CADM2: variants seen among roughly 807,000 people sequenced by gnomAD.
The protein encoded by CADM2 is immunoglobulin superfamily member 4D.
CADM2 carries 12 observed loss-of-function variants against 49.8 expected under a neutral mutation model. That is an observed-to-expected ratio of 0.24 (90% confidence interval 0.15 to 0.39). The LOEUF (loss-of-function observed/expected upper bound fraction) is 0.39, where lower values mean the gene tolerates loss of function less well. Ranked by LOEUF, CADM2 falls within the 10% of genes least tolerant of loss-of-function variation. The pLI is 1.00. For synonymous variants in CADM2, 214 were observed against 175.4 expected (o/e 1.22, Z -1.74); for missense variants, 378 against 492.3 (o/e 0.77, Z 2.20).
chr3:85,932,077 C>A (rs1229702193), intron 6 of CADM2, among the ~76,000 whole-genome samples: 1 of 150,514 alleles, frequency 6.6e-6, no homozygotes, highest in Non-Finnish European at 1.5e-5. Context: ...TAAAGGAGAC[C>A]ATTTACTATT....
At chr3:85,138,821 C>T (rs2039494247) in intron 1 of CADM2, among the ~76,000 whole-genome samples, 1 of 152,160 alleles carries the variant, frequency 6.6e-6, no homozygotes, top group Admixed American at 6.5e-5. Flanking sequence ...AACACGTTCA[C>T]ATTTCATTGG....
chr3:85,077,475 T>C (rs2036990626), intron 1 of CADM2, among the ~76,000 whole-genome samples: 1 of 152,152 alleles, frequency 6.6e-6, no homozygotes, highest in African/African-American at 2.4e-5. Flanking sequence ...TTTGTAATTT[T>C]GTATGTGCAC....
chr3:85,719,231 G>A lies in CADM2; in HGVS notation c.62-7291G>A, dbSNP rs144006252. 5.4e-3 allele frequency among the ~76,000 whole-genome samples: 820 copies of A among 152,176 alleles called. 3 individuals are homozygous for A. The highest frequency in any genetic ancestry group is 0.01 in the Middle Eastern group (3 of 292). On this transcript the variant is annotated intron_variant, in intron 1 of 9. Transcript: ENST00000383699. ...AAGTAATTTACACATATGATAAATT[G>A]ACCTCATTCTATGCAATTATCAATG...
intron 1 of CADM2, among the ~76,000 whole-genome samples, chr3:85,503,085 A>C (rs2040184533): frequency 2.4e-5 from 1 of 42,252 alleles, no homozygotes; most frequent in African/African-American, 3.9e-5. Context: ...ACATACTTAC[A>C]TATACTCCTA....
intron 1 of CADM2, among the ~76,000 whole-genome samples, chr3:84,977,282 A>G (rs961034291): frequency 6.6e-6 from 1 of 152,000 alleles, no homozygotes; most frequent in African/African-American, 2.4e-5. Flanking sequence ...AGATTTACAT[A>G]TAACTAGATA....
At chr3:85,011,439 G>T (rs1013587823) in intron 1 of CADM2, among the ~76,000 whole-genome samples, 6 of 152,128 alleles carry the variant, frequency 3.9e-5, no homozygotes, top group African/African-American at 2.4e-5. Context: ...CAAGTTTATT[G>T]AGTGTGAAAT....
chr3:85,731,047 A>G (rs376726351), intron 2 of CADM2, among the ~76,000 whole-genome samples: 1 of 152,116 alleles, frequency 6.6e-6, no homozygotes, highest in Non-Finnish European at 1.5e-5. Context: ...TCAGTATTTC[A>G]ATTTGCTGAG....
At chr3:85,535,974 A>C (rs2061414496) in intron 1 of CADM2, among the ~76,000 whole-genome samples, 1 of 152,116 alleles carries the variant, frequency 6.6e-6, no homozygotes, top group Non-Finnish European at 1.5e-5. Context: ...TGGTTTATTA[A>C]AGAGAATAAA....
chr3:85,147,610 T>C (rs2039789823), intron 1 of CADM2, among the ~76,000 whole-genome samples: 1 of 152,150 alleles, frequency 6.6e-6, no homozygotes, highest in African/African-American at 2.4e-5. Context: ...ATCATGCAAT[T>C]TCTGAACCGT....
In CADM2 at chr3:85,738,995, AT is replaced by A. The variant is rs1053613237; in HGVS notation, c.88+12448del. On this transcript the variant is annotated intron_variant, in intron 2 of 9. Coordinates refer to ENST00000383699, the MANE Select transcript of CADM2 (RefSeq NM_001167675.2). ...CCACTTAACAGATATATCAATCTCA[AT>A]GATTTAAAATAAAGTATGTATAGTA... is the stretch of plus-strand genomic sequence containing the variant. 6.8e-4 allele frequency among the ~76,000 whole-genome samples: 104 copies of A among 152,118 alleles called. 2 individuals are homozygous for A. The highest frequency in any genetic ancestry group is 2.1e-4 in the South Asian group (1 of 4,830).
chr3:85,259,846 G>A lies in CADM2; in HGVS notation c.61+300178G>A, dbSNP rs574672595. Among the ~76,000 whole-genome samples, 3 of 152,162 alleles carry A rather than the reference G, an allele frequency of 2.0e-5. No homozygotes were observed. In the East Asian group the frequency reaches 5.8e-4, roughly 29 times the overall value. On this transcript the variant is annotated intron_variant, in intron 1 of 9. Transcript: ENST00000383699. Reference sequence around the variant, plus strand: ...CTGATTATGGGTCTAACATAAGATGGAAAAAATAATAACATGTAATTGTGT... The same window carrying A: ...CTGATTATGGGTCTAACATAAGATGAAAAAAATAATAACATGTAATTGTGT...
intron 1 of CADM2, among the ~76,000 whole-genome samples, chr3:85,682,092 C>A (rs1225565401): frequency 2.6e-5 from 4 of 152,038 alleles, no homozygotes; most frequent in Non-Finnish European, 5.9e-5. Flanking sequence ...GACAGGCTGA[C>A]AACAGATTTA....
intron 1 of CADM2, chr3:84,960,015 A>C (rs1278479053): frequency 2.8e-5 from 10 of 357,142 alleles, no homozygotes; most frequent in South Asian, 1.1e-4. Context: ...CCTCCCGACA[A>C]CCCCCACCAG....
intron 1 of CADM2, among the ~76,000 whole-genome samples, chr3:85,234,760 G>A (rs1463844490): frequency 6.6e-6 from 1 of 152,082 alleles, no homozygotes; most frequent in African/African-American, 2.4e-5. Context: ...CAGAGTAGTA[G>A]TACTCTCCAG....
intron 1 of CADM2, among the ~76,000 whole-genome samples, chr3:85,351,558 G>C (rs1576399296): frequency 6.6e-6 from 1 of 152,110 alleles, no homozygotes; most frequent in Middle Eastern, 3.4e-3. Context: ...ATTTGATCTG[G>C]GAACACTCAG....
intron 8 of CADM2, chr3:86,012,768 A>G: frequency 1.6e-6 from 1 of 642,554 alleles, no homozygotes. Flanking sequence ...GGAGGTCAGC[A>G]GATCGAGACC....
chr3:85,759,619 C>A (rs1017902476), intron 2 of CADM2, among the ~76,000 whole-genome samples: 4 of 152,090 alleles, frequency 2.6e-5, no homozygotes, highest in African/African-American at 9.7e-5. Flanking sequence ...TATTCATAAG[C>A]TGCCACATAA....
intron 1 of CADM2, among the ~76,000 whole-genome samples, chr3:85,263,053 C>T (rs1250611426): frequency 1.3e-5 from 2 of 151,852 alleles, no homozygotes; most frequent in African/African-American, 2.4e-5. Context: ...AGTGCAGTGG[C>T]GCGATCTCAG....
At chr3:85,715,150 T>C (rs1412116356) in intron 1 of CADM2, among the ~76,000 whole-genome samples, 1 of 152,222 alleles carries the variant, frequency 6.6e-6, no homozygotes, top group Admixed American at 6.5e-5. Context: ...AGAATGCTTA[T>C]GACACATAAT....
Sources: allele counts gnomAD v4.1 joint callset (sites outside exome capture counted in the v4.1 genomes callset), GRCh38; gene constraint gnomAD v4.1.1; transcripts MANE v1.5; gene names NCBI Gene and HGNC (gene_info 2026-07-23, HGNC 2026-07-21).